Variants in DYM observed in about 807,000 individuals in gnomAD.
DYM encodes dyggve-Melchior-Clausen syndrome protein.
A neutral mutation model predicts 93.1 loss-of-function variants in DYM; 78 were observed. The observed-to-expected ratio is 0.84, with a 90% confidence interval of 0.70 to 1.01. DYM has a LOEUF of 1.01. DYM is among the 50% of genes least tolerant of loss of function. The pLI is 0.00. For synonymous variants in DYM, 321 were observed against 319.7 expected (o/e 1.00, Z -0.04); for missense variants, 789 against 845.0 (o/e 0.93, Z 0.82).
At chr18:49,161,607 C>A (rs1258158015) in intron 15 of DYM, among the ~76,000 whole-genome samples, 1 of 152,108 alleles carries the variant, frequency 6.6e-6, no homozygotes, top group Non-Finnish European at 1.5e-5. Context: ...ACAGGTATGG[C>A]AAGTGTAGAA....
At chr18:49,266,954 T>C (rs538886369) in intron 11 of DYM, among the ~76,000 whole-genome samples, 5 of 151,592 alleles carry the variant, frequency 3.3e-5, no homozygotes, top group East Asian at 3.9e-4. Context: ...TTAAGAAACG[T>C]TGGGGAAAAA....
intron 6 of DYM, among the ~76,000 whole-genome samples, chr18:49,350,867 A>G (rs1407581864): frequency 6.6e-6 from 1 of 152,108 alleles, no homozygotes; most frequent in Non-Finnish European, 1.5e-5. Context: ...TTTTCCATGC[A>G]CACATATTAC....
chr18:49,148,318 T>C (rs182013129), intron 15 of DYM, among the ~76,000 whole-genome samples: 35 of 151,400 alleles, frequency 2.3e-4, no homozygotes, highest in Admixed American at 9.2e-4. Context: ...GTTGTGCACA[T>C]GTAGCCTAAA....
intron 17 of DYM, among the ~76,000 whole-genome samples, chr18:49,063,382 TTGTAAA>T (rs2076141340): frequency 6.6e-6 from 1 of 151,680 alleles, no homozygotes; most frequent in Non-Finnish European, 1.5e-5. Context: ...AAGTTATATT[TTGTAAA>T]TAGATATATG....
Position 49,145,121 on chromosome 18 carries a change from AT to A in DYM, c.1728+18563del, listed in dbSNP as rs1437947523. ...CTCAAAAAAATTCATATATATATAT[AT>A]ATATATATATATAATTTATATATAT... is the stretch of plus-strand genomic sequence containing the variant. On this transcript the variant is annotated intron_variant, in intron 15 of 17. Coordinates refer to ENST00000675505, the MANE Select transcript of DYM (RefSeq NM_001353214.3). Among the ~76,000 whole-genome samples, 29 of 108,378 alleles carry A rather than the reference AT, an allele frequency of 2.7e-4. 2 individuals are homozygous for A. In the South Asian group the frequency reaches 7.9e-3, roughly 30 times the overall value. 71.1% of individuals were successfully genotyped at this position (108,378 alleles called of 152,430 possible).
At chr18:49,329,085 C>A (rs969517771) in intron 8 of DYM, among the ~76,000 whole-genome samples, 4 of 151,944 alleles carry the variant, frequency 2.6e-5, no homozygotes, top group Non-Finnish European at 4.4e-5. Flanking sequence ...ACATATACAC[C>A]ATGGAATACT....
chr18:49,321,656 C>A (rs1254691156), intron 8 of DYM, among the ~76,000 whole-genome samples: 1 of 151,950 alleles, frequency 6.6e-6, no homozygotes, highest in African/African-American at 2.4e-5. Context: ...AACACTATTC[C>A]AAATCATCAA....
intron 14 of DYM, among the ~76,000 whole-genome samples, chr18:49,198,689 C>T (rs946885127): frequency 5.3e-5 from 8 of 151,312 alleles, no homozygotes; most frequent in Non-Finnish European, 1.2e-4. Flanking sequence ...TACCATCTCA[C>T]ACCAGTTAGA....
At chr18:49,082,842 G>C (rs183199362) in intron 17 of DYM, among the ~76,000 whole-genome samples, 90 of 152,288 alleles carry the variant, frequency 5.9e-4, no homozygotes, top group African/African-American at 2.1e-3. Flanking sequence ...ACATGTGCTG[G>C]GAGCCGACAT....
chr18:49,449,309 G>A (rs959524477), intron 1 of DYM, among the ~76,000 whole-genome samples: 4 of 152,152 alleles, frequency 2.6e-5, no homozygotes, highest in South Asian at 4.1e-4. Context: ...AGGCAGCAAA[G>A]AAATTGAAAG....
intron 16 of DYM, among the ~76,000 whole-genome samples, chr18:49,110,739 G>A (rs1276781247): frequency 6.6e-6 from 1 of 152,088 alleles, no homozygotes; most frequent in African/African-American, 2.4e-5. Context: ...GTGGTTTGAT[G>A]TCAGTATTTT....
At chr18:49,084,153 T>C (rs904172364) in intron 17 of DYM, among the ~76,000 whole-genome samples, 2 of 152,194 alleles carry the variant, frequency 1.3e-5, no homozygotes, top group African/African-American at 4.8e-5. Flanking sequence ...TTGAGCCGCA[T>C]CTCACAAATT....
At chr18:49,414,546 T>C (rs540220996) in intron 2 of DYM, among the ~76,000 whole-genome samples, 2 of 152,308 alleles carry the variant, frequency 1.3e-5, no homozygotes, top group East Asian at 1.9e-4. Context: ...CCTTATGTTA[T>C]TTGTTTCGTG....
At chr18:49,177,686 T>C (rs2089529644) in intron 14 of DYM, among the ~76,000 whole-genome samples, 1 of 152,182 alleles carries the variant, frequency 6.6e-6, no homozygotes, top group Non-Finnish European at 1.5e-5. Context: ...ATTATTAATT[T>C]ATACTTGTCC....
intron 8 of DYM, among the ~76,000 whole-genome samples, chr18:49,311,575 T>C (rs111349074): frequency 0.011 from 1,654 of 152,106 alleles, 28 homozygotes; most frequent in African/African-American, 0.038. Flanking sequence ...ATGTCCTTTG[T>C]AGGGACATCG....
chr18:49,221,879 A>C (rs1233823834), intron 13 of DYM, among the ~76,000 whole-genome samples: 1 of 152,114 alleles, frequency 6.6e-6, no homozygotes, highest in African/African-American at 2.4e-5. Context: ...CACATTGTGC[A>C]CATGTACCCT....
chr18:49,154,282 G>T (rs1188933400), intron 15 of DYM, among the ~76,000 whole-genome samples: 1 of 152,238 alleles, frequency 6.6e-6, no homozygotes, highest in Non-Finnish European at 1.5e-5. Context: ...GAATGAGATT[G>T]TTATTAAAGT....
intron 13 of DYM, among the ~76,000 whole-genome samples, chr18:49,242,249 T>C (rs2094031155): frequency 6.6e-6 from 1 of 152,074 alleles, no homozygotes. Context: ...CCATCTCTAC[T>C]AAAAATACAA....
At chr18:49,259,302 A>T (rs2094453496) in intron 11 of DYM, among the ~76,000 whole-genome samples, 1 of 152,248 alleles carries the variant, frequency 6.6e-6, no homozygotes, top group African/African-American at 2.4e-5. Context: ...AAGTGAAGAC[A>T]TTCAACCTAA....
Sources: gnomAD v4.1 joint callset for allele counts (sites outside exome capture counted in the v4.1 genomes callset) on GRCh38, gnomAD v4.1.1 for gene constraint, MANE v1.5 for transcripts, NCBI Gene and HGNC (gene_info 2026-07-23, HGNC 2026-07-21) for gene names.